GABRB1: variants seen among roughly 807,000 people sequenced by gnomAD.
The protein encoded by GABRB1 is gamma-aminobutyric acid receptor subunit beta-1.
In GABRB1, 17 loss-of-function variants were observed where a neutral mutation model predicts 51.6. The observed-to-expected ratio is 0.33, with a 90% confidence interval of 0.23 to 0.49. The LOEUF is 0.49. Ranked by LOEUF, GABRB1 falls within the 20% of genes least tolerant of loss-of-function variation. The probability of loss-of-function intolerance (pLI) is 0.99; values close to 1 mark genes in which losing one functional copy is unlikely to be tolerated. For synonymous variants in GABRB1, 247 were observed against 218.9 expected (o/e 1.13, Z -1.14); for missense variants, 410 against 600.6 (o/e 0.68, Z 3.32).
At position 47,109,522 on chromosome 4, in the gene GABRB1, G is replaced by C. The variant is rs146140989; in HGVS notation, c.241-51727G>C. Among the ~76,000 whole-genome samples, 11 of 152,194 alleles carry C rather than the reference G, an allele frequency of 7.2e-5. No homozygotes were observed. In the East Asian group the frequency reaches 1.7e-3, roughly 24 times the overall value. The stretch of plus-strand genomic sequence containing the variant: ...CATGAGTTTGGTTGCAGGTAGACTT[G>C]AAAGAATGATAATGTCTCTATACAA... On this transcript the variant is annotated intron_variant, in intron 3 of 8. Coordinates refer to ENST00000295454, the MANE Select transcript of GABRB1 (RefSeq NM_000812.4).
intron 3 of GABRB1, among the ~76,000 whole-genome samples, chr4:47,154,518 A>T (rs1289517430): frequency 1.3e-5 from 2 of 151,848 alleles, no homozygotes; most frequent in African/African-American, 4.8e-5. Flanking sequence ...TTTTCAGTTC[A>T]GGGAGGTGGG....
At chr4:47,330,144 T>C (rs1725424167) in intron 5 of GABRB1, among the ~76,000 whole-genome samples, 1 of 152,194 alleles carries the variant, frequency 6.6e-6, no homozygotes, top group Non-Finnish European at 1.5e-5. Flanking sequence ...AATTGTCTCT[T>C]ACTCAGGGGA....
chr4:46,998,664 G>A (rs1169957034), intron 1 of GABRB1, among the ~76,000 whole-genome samples: 3 of 150,496 alleles, frequency 2.0e-5, no homozygotes, highest in Non-Finnish European at 2.9e-5. Flanking sequence ...AACCCGGGAG[G>A]CGGAGCTTGC....
At chr4:47,083,530 C>T (rs1476769850) in intron 3 of GABRB1, among the ~76,000 whole-genome samples, 1 of 152,086 alleles carries the variant, frequency 6.6e-6, no homozygotes, top group Non-Finnish European at 1.5e-5. Context: ...AGTGAATGTG[C>T]ATCAAAACCT....
chr4:47,090,783 G>A (rs1164872832), intron 3 of GABRB1, among the ~76,000 whole-genome samples: 19 of 152,160 alleles, frequency 1.2e-4, no homozygotes. Context: ...AGAATGACCT[G>A]TCAGTCCTTA....
At chr4:47,025,528 ATTAT>A (rs1250706219) in intron 1 of GABRB1, among the ~76,000 whole-genome samples, 2 of 151,954 alleles carry the variant, frequency 1.3e-5, no homozygotes, top group African/African-American at 4.8e-5. Flanking sequence ...AAGTAATTAG[ATTAT>A]TTCTTAATTA....
At chr4:47,172,108 A>G (rs1051435848) in intron 4 of GABRB1, among the ~76,000 whole-genome samples, 1 of 152,166 alleles carries the variant, frequency 6.6e-6, no homozygotes, top group African/African-American at 2.4e-5. Context: ...TTTTGTATCC[A>G]TGTAACATGC....
At position 47,378,580 on chromosome 4, in the gene GABRB1, C is replaced by T. The variant is rs1727480146; in HGVS notation, c.545-24738C>T. On this transcript the variant is annotated intron_variant, in intron 5 of 8. Coordinates refer to ENST00000295454, the MANE Select transcript of GABRB1 (RefSeq NM_000812.4). ...AGGCAGAGGAGGCGCCGAGAGCCAG[C>T]GAGGGCTGTGAGGACTGCCGGCATG... is the stretch of plus-strand genomic sequence containing the variant. Among the ~76,000 whole-genome samples, 8 of 152,188 alleles carry T rather than the reference C, an allele frequency of 5.3e-5. No individual in the cohort carries two copies. The South Asian group carries it at 1.7e-3, about 31-fold the overall frequency.
At chr4:47,398,087 C>T (rs1007316299) in intron 5 of GABRB1, among the ~76,000 whole-genome samples, 3 of 152,032 alleles carry the variant, frequency 2.0e-5, no homozygotes, top group Non-Finnish European at 4.4e-5. Context: ...TTAAATGTTG[C>T]TTCATATGTG....
intron 4 of GABRB1, among the ~76,000 whole-genome samples, chr4:47,197,546 G>A (rs563114136): frequency 6.6e-6 from 1 of 152,252 alleles, no homozygotes; most frequent in Admixed American, 6.5e-5. Flanking sequence ...TGAAACAATA[G>A]TGCTGCTACA....
intron 4 of GABRB1, among the ~76,000 whole-genome samples, chr4:47,280,146 T>C (rs1338960622): frequency 1.3e-5 from 2 of 152,050 alleles, no homozygotes; most frequent in Non-Finnish European, 2.9e-5. Context: ...GAAATCTTTA[T>C]CTTTTGTGTA....
chr4:47,100,064 C>T (rs924706937), intron 3 of GABRB1, among the ~76,000 whole-genome samples: 1 of 151,684 alleles, frequency 6.6e-6, no homozygotes, highest in African/African-American at 2.4e-5. Flanking sequence ...AAATTATGTT[C>T]GGGGTTTAAA....
intron 4 of GABRB1, among the ~76,000 whole-genome samples, chr4:47,285,794 C>T (rs1266065895): frequency 6.6e-6 from 1 of 152,102 alleles, no homozygotes; most frequent in East Asian, 1.9e-4. Context: ...CATAAAAGGC[C>T]TGGTACATAG....
intron 3 of GABRB1, among the ~76,000 whole-genome samples, chr4:47,060,258 A>G (rs1017391156): frequency 6.6e-6 from 1 of 152,234 alleles, no homozygotes; most frequent in African/African-American, 2.4e-5. Flanking sequence ...TCACACAGAA[A>G]GTAAGGGAAC....
At chr4:47,275,657 T>C (rs1723046587) in intron 4 of GABRB1, among the ~76,000 whole-genome samples, 1 of 152,112 alleles carries the variant, frequency 6.6e-6, no homozygotes, top group Non-Finnish European at 1.5e-5. Context: ...GCCAAGCCTG[T>C]GTTATTAGGT....
chr4:47,400,526 G>GTC (rs56896606), intron 5 of GABRB1, among the ~76,000 whole-genome samples: 2,056 of 117,874 alleles, frequency 0.017, 38 homozygotes, highest in African/African-American at 0.045. Context: ...CCAGGAGGTA[G>GTC]TCTCTCTCTC....
intron 4 of GABRB1, among the ~76,000 whole-genome samples, chr4:47,269,308 G>T (rs1722763214): frequency 6.6e-6 from 1 of 152,156 alleles, no homozygotes; most frequent in Non-Finnish European, 1.5e-5. Flanking sequence ...TTTTCATTAT[G>T]CACTTCTTTA....
intron 3 of GABRB1, among the ~76,000 whole-genome samples, chr4:47,054,892 G>A (rs569909606): frequency 1.3e-5 from 2 of 152,186 alleles, no homozygotes; most frequent in Middle Eastern, 3.4e-3. Context: ...GACACTTTAT[G>A]GACAACATTT....
At chr4:47,264,363 T>C (rs920530810) in intron 4 of GABRB1, among the ~76,000 whole-genome samples, 3 of 152,216 alleles carry the variant, frequency 2.0e-5, no homozygotes, top group Non-Finnish European at 4.4e-5. Context: ...CTCATGGCCC[T>C]ATGTTATGGG....
Sources: gnomAD v4.1 joint callset for allele counts (sites outside exome capture counted in the v4.1 genomes callset) on GRCh38, gnomAD v4.1.1 for gene constraint, MANE v1.5 for transcripts, NCBI Gene and HGNC (gene_info 2026-07-23, HGNC 2026-07-21) for gene names.